Variants in MGAT4C observed in about 807,000 individuals in gnomAD.
MGAT4C encodes MGAT4 family member C.
A neutral mutation model predicts 40.1 loss-of-function variants in MGAT4C; 19 were observed. The ratio of observed to expected loss-of-function variants is 0.47; its 90% CI spans 0.33 to 0.70. The LOEUF is 0.70. MGAT4C is among the 30% of genes least tolerant of loss of function. The pLI, the probability that MGAT4C is intolerant of heterozygous loss-of-function variation, is 0.02. For synonymous variants in MGAT4C, 181 were observed against 187.1 expected, an observed-to-expected ratio of 0.97 and a Z score of 0.27; for missense variants, 491 against 563.2, an observed-to-expected ratio of 0.87 and a Z score of 1.30.
intron 2 of MGAT4C, among the ~76,000 whole-genome samples, chr12:86,004,114 C>G (rs1887631684): frequency 6.6e-6 from 1 of 152,004 alleles, no homozygotes; most frequent in Non-Finnish European, 1.5e-5. Context: ...TAAAAAATGT[C>G]AAAAAATTTG....
chr12:86,823,302 G>A (rs989511465), intron 1 of MGAT4C, among the ~76,000 whole-genome samples: 14 of 150,944 alleles, frequency 9.3e-5, no homozygotes, highest in African/African-American at 2.4e-4. Context: ...AAATAGAAAC[G>A]CAAAAGGTAG....
At chr12:86,067,893 C>G (rs1322936089) in intron 1 of MGAT4C, among the ~76,000 whole-genome samples, 1 of 152,082 alleles carries the variant, frequency 6.6e-6, no homozygotes, top group African/African-American at 2.4e-5. Flanking sequence ...ACATGCAGAG[C>G]AAGAGTTGGA....
intron 3 of MGAT4C, among the ~76,000 whole-genome samples, chr12:86,356,261 G>A (rs1351092675): frequency 6.6e-6 from 1 of 151,938 alleles, no homozygotes; most frequent in Non-Finnish European, 1.5e-5. Flanking sequence ...CAAAAAGAGA[G>A]GGAACAAACA....
intron 3 of MGAT4C, among the ~76,000 whole-genome samples, chr12:86,430,820 T>C (rs957906545): frequency 6.6e-6 from 1 of 152,150 alleles, no homozygotes; most frequent in African/African-American, 2.4e-5. Flanking sequence ...TTTTTGGCTA[T>C]GTTGAGAGGA....
chr12:86,556,584 C>A (rs2136402930), intron 2 of MGAT4C, among the ~76,000 whole-genome samples: 1 of 152,188 alleles, frequency 6.6e-6, no homozygotes, highest in Admixed American at 6.5e-5. Context: ...TTTATCTATA[C>A]CCAAAATGAG....
At chr12:86,203,472 A>G (rs1950125925) in intron 1 of MGAT4C, among the ~76,000 whole-genome samples, 1 of 152,252 alleles carries the variant, frequency 6.6e-6, no homozygotes, top group African/African-American at 2.4e-5. Context: ...ATTTCCAGGA[A>G]GAATTTTGGA....
At chr12:86,184,351 G>C (rs1279999365) in intron 1 of MGAT4C, among the ~76,000 whole-genome samples, 2 of 151,070 alleles carry the variant, frequency 1.3e-5, no homozygotes, top group Non-Finnish European at 2.9e-5. Context: ...ACTCCAGCCT[G>C]GGTGACTAAG....
At chr12:86,519,973 A>T (rs1411533239) in intron 2 of MGAT4C, among the ~76,000 whole-genome samples, 2 of 152,160 alleles carry the variant, frequency 1.3e-5, no homozygotes, top group African/African-American at 4.8e-5. Flanking sequence ...ATATTTGTGC[A>T]GATCAATGTC....
intron 2 of MGAT4C, among the ~76,000 whole-genome samples, chr12:86,686,579 T>G (rs985164746): frequency 6.6e-6 from 1 of 152,220 alleles, no homozygotes; most frequent in Non-Finnish European, 1.5e-5. Context: ...CTTTTCTGCA[T>G]CTATTGAGAT....
intron 4 of MGAT4C, among the ~76,000 whole-genome samples, chr12:86,263,626 C>T (rs1039617410): frequency 2.0e-5 from 3 of 152,104 alleles, no homozygotes; most frequent in Non-Finnish European, 2.9e-5. Flanking sequence ...AATAGTGCTG[C>T]GATGAGCCTA....
intron 3 of MGAT4C, among the ~76,000 whole-genome samples, chr12:86,338,958 CAAAAAAAAA>C (rs67462771): frequency 6.0e-5 from 4 of 66,118 alleles, no homozygotes; most frequent in South Asian, 8.1e-4. Context: ...GACTCCATCT[CAAAAAAAAA>C]AAAAAAAAAA....
chr12:86,510,157 C>A (rs928101046), intron 2 of MGAT4C, among the ~76,000 whole-genome samples: 14 of 152,108 alleles, frequency 9.2e-5, no homozygotes, highest in African/African-American at 2.9e-4. Context: ...AAAGGGAATG[C>A]TTCCAGTTTT....
chr12:86,422,459 T>G (rs1232826908), intron 3 of MGAT4C, among the ~76,000 whole-genome samples: 1 of 152,202 alleles, frequency 6.6e-6, no homozygotes, highest in East Asian at 1.9e-4. Context: ...AATATCATTT[T>G]TCAACCCTTG....
intron 2 of MGAT4C, among the ~76,000 whole-genome samples, chr12:86,528,807 C>T (rs1300170913): frequency 5.9e-5 from 9 of 151,598 alleles, no homozygotes; most frequent in Non-Finnish European, 1.3e-4. Context: ...TAACTCTTTC[C>T]TTTCTTCTGA....
chr12:86,719,162 C>T (rs1180544526), intron 2 of MGAT4C, among the ~76,000 whole-genome samples: 4 of 152,146 alleles, frequency 2.6e-5, no homozygotes, highest in Non-Finnish European at 5.9e-5. Context: ...GGGCATGGTC[C>T]ACCTTCGTAT....
At chr12:86,085,552 T>A (rs1449113014) in intron 1 of MGAT4C, among the ~76,000 whole-genome samples, 1 of 151,962 alleles carries the variant, frequency 6.6e-6, no homozygotes, top group East Asian at 1.9e-4. Flanking sequence ...TTTCTGTTCC[T>A]ATATATCTGT....
At chr12:86,240,726 T>C (rs1951748758) in intron 1 of MGAT4C, among the ~76,000 whole-genome samples, 1 of 152,128 alleles carries the variant, frequency 6.6e-6, no homozygotes, top group African/African-American at 2.4e-5. Flanking sequence ...AATATTTGTA[T>C]TTTTATTGCC....
chr12:86,514,488 G>GT (rs879545204), intron 2 of MGAT4C, among the ~76,000 whole-genome samples: 2 of 152,076 alleles, frequency 1.3e-5, no homozygotes, highest in Non-Finnish European at 2.9e-5. Flanking sequence ...TAATCTGCAT[G>GT]TTTTCCCTTT....
At chr12:86,209,853 G>A (rs1239217440) in intron 1 of MGAT4C, among the ~76,000 whole-genome samples, 1 of 152,136 alleles carries the variant, frequency 6.6e-6, no homozygotes, top group Admixed American at 6.5e-5. Context: ...GATAGAAAGA[G>A]TTTTAATTAT....
Sources: allele counts gnomAD v4.1 joint callset (sites outside exome capture counted in the v4.1 genomes callset), GRCh38; gene constraint gnomAD v4.1.1; transcripts MANE v1.5; gene names NCBI Gene and HGNC (gene_info 2026-07-23, HGNC 2026-07-21).